STK32B: variants seen among roughly 807,000 people sequenced by gnomAD.
STK32B encodes the protein serine/threonine kinase 32B, also known as serine/threonine-protein kinase 32B.
In STK32B, 43 loss-of-function variants were observed where a neutral mutation model predicts 52.6. The observed-to-expected ratio is 0.82, with a 90% CI of 0.64 to 1.05. STK32B has a LOEUF of 1.05. STK32B is among the 50% of genes least tolerant of loss of function. The probability of loss-of-function intolerance (pLI) is 0.00; values close to 1 mark genes in which losing one functional copy is unlikely to be tolerated. For missense variants in STK32B, 621 were observed against 534.6 expected, an observed-to-expected ratio of 1.16 and a Z score of -1.59; for synonymous variants, 238 against 204.3, an observed-to-expected ratio of 1.17 and a Z score of -1.41.
intron 1 of STK32B, among the ~76,000 whole-genome samples, chr4:5,132,861 T>C (rs1715863299): frequency 6.6e-6 from 1 of 152,174 alleles, no homozygotes; most frequent in South Asian, 2.1e-4. Flanking sequence ...TGCAGTCGTG[T>C]GATCTTGGCT....
chr4:5,207,913 T>C (rs1176579800), intron 3 of STK32B, among the ~76,000 whole-genome samples: 2 of 152,124 alleles, frequency 1.3e-5, no homozygotes, highest in Non-Finnish European at 1.5e-5. Context: ...CTTTTTAACA[T>C]CCACATTTCC....
intron 4 of STK32B, among the ~76,000 whole-genome samples, chr4:5,357,036 C>T (rs1411611075): frequency 6.7e-6 from 1 of 148,966 alleles, no homozygotes; most frequent in African/African-American, 2.5e-5. Context: ...CACACACACA[C>T]ACACATATAT....
At chr4:5,059,973 GTTA>G (rs1402694508) in intron 1 of STK32B, among the ~76,000 whole-genome samples, 1 of 152,096 alleles carries the variant, frequency 6.6e-6, no homozygotes, top group Non-Finnish European at 1.5e-5. Context: ...TGTTATTATT[GTTA>G]TTATTTTGAG....
At chr4:5,269,442 A>T (rs767627945) in intron 3 of STK32B, among the ~76,000 whole-genome samples, 1 of 152,240 alleles carries the variant, frequency 6.6e-6, no homozygotes, top group Non-Finnish European at 1.5e-5. Flanking sequence ...CTTCAAATTA[A>T]GGCTCAAGAT....
chr4:5,305,407 T>A (rs1208475160), intron 3 of STK32B, among the ~76,000 whole-genome samples: 1 of 152,154 alleles, frequency 6.6e-6, no homozygotes, highest in East Asian at 1.9e-4. Context: ...TTCTTCCTGG[T>A]TTAATCTAGG....
upstream of STK32B, among the ~76,000 whole-genome samples, chr4:5,049,282 C>T (rs1010480934): frequency 7.2e-5 from 11 of 152,044 alleles, no homozygotes; most frequent in Admixed American, 3.9e-4. Context: ...CTGCAACCTC[C>T]GCCTCCCAGG....
chr4:5,026,068 G>C, the STK32B span, among the ~76,000 whole-genome samples: 15 of 152,316 alleles, frequency 9.8e-5, no homozygotes, highest in South Asian at 2.7e-3. Flanking sequence ...ACATACACAT[G>C]ATGAGGAGAT....
chr4:5,063,549 G>T (rs1742298783), intron 1 of STK32B, among the ~76,000 whole-genome samples: 1 of 152,010 alleles, frequency 6.6e-6, no homozygotes, highest in East Asian at 1.9e-4. Context: ...CACCATGTTG[G>T]CCAGGCTGGT....
chr4:5,168,432 C>T lies in STK32B; in HGVS notation c.242C>T (p.Pro81Leu). The change falls in exon 3 of 12, where the codon CCC (proline) becomes CTC (leucine). Residue 81 changes from proline to leucine, a missense_variant. Coordinates refer to ENST00000282908, the MANE Select transcript of STK32B (RefSeq NM_018401.3). Reference sequence around the variant, plus strand: ...CAGATCATGCAAGGGCTGGAGCACCCCTTCCTGGTCAATCTGTGGTGAGTG... The same window carrying T: ...CAGATCATGCAAGGGCTGGAGCACCTCTTCCTGGTCAATCTGTGGTGAGTG... ...ELQIMQGLEH[P>L]FLVNLWYSFQ... The T allele has an allele frequency of 6.2e-7, 1 of 1,613,452 alleles. No homozygotes were observed. The highest frequency in any genetic ancestry group is 8.5e-7 in the Non-Finnish European group (1 of 1,179,768).
At chr4:5,270,712 C>T (rs1334076280) in intron 3 of STK32B, among the ~76,000 whole-genome samples, 2 of 151,686 alleles carry the variant, frequency 1.3e-5, no homozygotes, top group Admixed American at 6.6e-5. Context: ...TTCTGTAAGG[C>T]AAGAAAAAGA....
intron 1 of STK32B, among the ~76,000 whole-genome samples, chr4:5,108,774 T>C (rs1033220147): frequency 6.6e-6 from 1 of 152,228 alleles, no homozygotes; most frequent in African/African-American, 2.4e-5. Flanking sequence ...AATCTGCCGA[T>C]GCTGTGAGTC....
chr4:5,406,646 C>T (rs1312994811), intron 5 of STK32B, among the ~76,000 whole-genome samples: 1 of 152,190 alleles, frequency 6.6e-6, no homozygotes. Flanking sequence ...AGGCTTATGG[C>T]TTGCACCCTT....
intron 3 of STK32B, among the ~76,000 whole-genome samples, chr4:5,244,015 A>C (rs1725247439): frequency 6.6e-6 from 1 of 152,044 alleles, no homozygotes; most frequent in Non-Finnish European, 1.5e-5. Flanking sequence ...ATCAATGTTC[A>C]TCAAGGATAT....
rs868742773 is a variant in STK32B at position 5,438,442 on chromosome 4, A to G, written c.563-8231A>G. Among the ~76,000 whole-genome samples, 3 of 152,320 alleles carry G rather than the reference A, an allele frequency of 2.0e-5. No individual in the cohort carries two copies. The Middle Eastern group carries it at 0.01, about 518-fold the overall frequency. The stretch of plus-strand genomic sequence containing the variant: ...GAAGAGGCAGACAAAAAGATGCTGA[A>G]AATACAAAACACACAGAATTTGGAG... On this transcript the variant is annotated intron_variant, in intron 6 of 11. Transcript: ENST00000282908.
intron 1 of STK32B, among the ~76,000 whole-genome samples, chr4:5,126,560 GTGTATGTTGGAGT>G (rs1715374998): frequency 6.6e-6 from 1 of 152,264 alleles, no homozygotes; most frequent in Non-Finnish European, 1.5e-5. Flanking sequence ...ATGAGCACCT[GTGTATGTTGGAGT>G]TGTAGAAATA....
At chr4:5,264,290 T>C (rs1256429677) in intron 3 of STK32B, among the ~76,000 whole-genome samples, 4 of 152,336 alleles carry the variant, frequency 2.6e-5, no homozygotes, top group South Asian at 4.1e-4. Flanking sequence ...TCCATATCCT[T>C]ATCAACATTT....
At chr4:5,111,610 C>T (rs1232224196) in intron 1 of STK32B, among the ~76,000 whole-genome samples, 3 of 151,970 alleles carry the variant, frequency 2.0e-5, no homozygotes, top group African/African-American at 7.3e-5. Context: ...CTGGAGACTT[C>T]AAAAGGGGTT....
intron 6 of STK32B, among the ~76,000 whole-genome samples, chr4:5,423,985 G>A (rs1712860852): frequency 6.6e-6 from 1 of 152,106 alleles, no homozygotes; most frequent in South Asian, 2.1e-4. Flanking sequence ...GGGCATCCCT[G>A]TGCTCTCAGG....
chr4:5,199,492 GT>G lies in STK32B; in HGVS notation c.260+31055del, dbSNP rs75767057. Among the ~76,000 whole-genome samples, 533 of 141,460 alleles carry G rather than the reference GT, an allele frequency of 3.8e-3. 1 individual carries two copies. Among genetic ancestry groups the G allele is most frequent in the Admixed American group, 8.6e-3 (121 of 14,106 alleles). The allele number at this position is 141,460 out of a possible 152,430, so 92.8% of individuals were successfully genotyped here. On this transcript the variant is annotated intron_variant, in intron 3 of 11. Transcript: ENST00000282908. The stretch of plus-strand genomic sequence containing the variant: ...ATTATAAATCAGCTTTGTGAATGCT[GT>G]TTTTTTTTTTTTGCATCTCTGAATC...
Sources: gnomAD v4.1 joint callset for allele counts (sites outside exome capture counted in the v4.1 genomes callset) on GRCh38, gnomAD v4.1.1 for gene constraint, MANE v1.5 for transcripts, NCBI Gene and HGNC (gene_info 2026-07-23, HGNC 2026-07-21) for gene names.